ELOVL5: variants seen among roughly 807,000 people sequenced by gnomAD.
ELOVL5 encodes the protein very long chain fatty acid elongase 5.
Under a neutral mutation model 38.6 loss-of-function variants are expected in ELOVL5, and 8 were observed. The observed-to-expected ratio is 0.21, with a 90% confidence interval of 0.12 to 0.37. The LOEUF is 0.37. Ranked by LOEUF, ELOVL5 falls within the 10% of genes least tolerant of loss-of-function variation. ELOVL5 has a pLI of 1.00. For synonymous variants in ELOVL5, 127 were observed against 133.7 expected (o/e 0.95, Z 0.34); for missense variants, 280 against 367.8 (o/e 0.76, Z 1.95).
chr6:53,318,185 G>A (rs529261860), intron 1 of ELOVL5, among the ~76,000 whole-genome samples: 1 of 152,274 alleles, frequency 6.6e-6, no homozygotes, highest in Non-Finnish European at 1.5e-5. Context: ...ATAGTAAAAT[G>A]ATGTTTCCTA....
At chr6:53,341,802 C>T (rs209516) in intron 1 of ELOVL5, among the ~76,000 whole-genome samples, 140,197 of 152,300 alleles carry the variant, frequency 0.92, 64,859 homozygotes, top group African/African-American at 0.98. Flanking sequence ...AACAGAGAGA[C>T]GTTTTTACTA....
chr6:53,285,929 C>A (rs1276847101), intron 3 of ELOVL5, among the ~76,000 whole-genome samples: 2 of 151,096 alleles, frequency 1.3e-5, no homozygotes, highest in East Asian at 1.9e-4. Context: ...TTAGGTATGT[C>A]TACTGTTTTT....
intron 1 of ELOVL5, among the ~76,000 whole-genome samples, chr6:53,340,524 C>G (rs1197635583): frequency 6.6e-6 from 1 of 152,238 alleles, no homozygotes; most frequent in Non-Finnish European, 1.5e-5. Context: ...GTCCTGCAAG[C>G]TCCATTCATG....
At chr6:53,328,465 G>A (rs1768646511) in intron 1 of ELOVL5, among the ~76,000 whole-genome samples, 1 of 152,184 alleles carries the variant, frequency 6.6e-6, no homozygotes, top group Non-Finnish European at 1.5e-5. Context: ...AGTCCCCAAA[G>A]TAGAGCTCTA....
chr6:53,271,357 C>T (rs977722923), intron 6 of ELOVL5, among the ~76,000 whole-genome samples: 1 of 152,178 alleles, frequency 6.6e-6, no homozygotes, highest in Non-Finnish European at 1.5e-5. Flanking sequence ...CAACACCATC[C>T]TGGCCAAAAT....
At chr6:53,348,719 C>A (rs992643177) in intron 1 of ELOVL5, 98 bp downstream of exon 1, 2 of 433,540 alleles carry the variant, frequency 4.6e-6, no homozygotes, top group Non-Finnish European at 9.1e-6. Flanking sequence ...CGAGACCTAA[C>A]GGCAGTTCTC....
intron 1 of ELOVL5, among the ~76,000 whole-genome samples, chr6:53,309,083 C>T (rs1029893334): frequency 6.6e-6 from 1 of 152,052 alleles, no homozygotes; most frequent in Non-Finnish European, 1.5e-5. Context: ...TTGGGGGATG[C>T]TGTTGCAGAA....
chr6:53,294,861 T>C (rs1186476453), intron 2 of ELOVL5, among the ~76,000 whole-genome samples: 2 of 152,016 alleles, frequency 1.3e-5, no homozygotes, highest in Non-Finnish European at 2.9e-5. Flanking sequence ...GTATTAGGAG[T>C]AGAATGGCTA....
At chr6:53,270,985 T>C (rs1765898105) in intron 6 of ELOVL5, among the ~76,000 whole-genome samples, 2 of 152,206 alleles carry the variant, frequency 1.3e-5, no homozygotes, top group East Asian at 1.9e-4. Flanking sequence ...GGATACACTA[T>C]AGAGACATCC....
rs538517791 is a variant in ELOVL5 at position 53,331,684 on chromosome 6, C to T, written c.-9+17133G>A. Reference sequence around the variant, plus strand: ...CAGTTAAATGAAACTTGGAGTACACCGAGTTTAAAAATCTAACACTCAAAA... The same window carrying T: ...CAGTTAAATGAAACTTGGAGTACACTGAGTTTAAAAATCTAACACTCAAAA... On this transcript the variant is annotated intron_variant, in intron 1 of 7. Transcript: ENST00000304434. Among the ~76,000 whole-genome samples, 17 of 152,120 alleles carry T rather than the reference C, an allele frequency of 1.1e-4. No homozygotes were observed. The East Asian group carries it at 1.5e-3, about 14-fold the overall frequency.
At chr6:53,279,413 C>T (rs1766273065) in intron 3 of ELOVL5, among the ~76,000 whole-genome samples, 1 of 152,194 alleles carries the variant, frequency 6.6e-6, no homozygotes. Context: ...TCTACCCTCA[C>T]CTTGCAGTGA....
intron 6 of ELOVL5, 30 bp downstream of exon 6, chr6:53,273,190 A>G: frequency 6.2e-7 from 1 of 1,611,924 alleles, no homozygotes. Flanking sequence ...CCAGGAAGTA[A>G]GTCCTGGGGA....
intron 1 of ELOVL5, among the ~76,000 whole-genome samples, chr6:53,332,508 A>C (rs1451201812): frequency 1.3e-5 from 2 of 152,226 alleles, no homozygotes. Flanking sequence ...TTCAATTATC[A>C]ACCACTACAT....
chr6:53,346,142 A>G (rs537424983), intron 1 of ELOVL5, among the ~76,000 whole-genome samples: 60 of 152,160 alleles, frequency 3.9e-4, no homozygotes, highest in African/African-American at 1.3e-3. Flanking sequence ...ACTCCCACTT[A>G]TGAGTGAGAA....
rs553548639 is a variant in ELOVL5 at position 53,292,032 on chromosome 6, T to A, written c.59-69A>T. The A allele has an allele frequency of 1.6e-5, 17 of 1,069,238 alleles. No homozygotes were observed. In the South Asian group the frequency reaches 3.1e-4, roughly 19 times the overall value. 66.2% of individuals were successfully genotyped at this position (1,069,238 alleles called of 1,614,324 possible). On this transcript the variant is annotated intron_variant, in intron 2 of 7. Coordinates refer to ENST00000304434, the MANE Select transcript of ELOVL5 (RefSeq NM_021814.5). ...ACTTTTCAAACGTTGAAAAAATTTC[T>A]CTAACCATGATGATATAAAAGTCAC...
chr6:53,348,900 G>T lies in ELOVL5; in HGVS notation c.-92C>A. ...GAGCGCGGGTGGCAGCCGGCGCAGA[G>T]GCGGATGTAGAAGGAGACACCGGTG... On this transcript the variant is annotated 5_prime_UTR_variant, in exon 1 of 8. Coordinates refer to ENST00000304434, the MANE Select transcript of ELOVL5 (RefSeq NM_021814.5). 2.2e-6 allele frequency: 1 copy of T among 453,176 alleles called. No homozygotes were observed. The highest frequency in any genetic ancestry group is 4.4e-6 in the Non-Finnish European group (1 of 225,512). The allele number at this position is 453,176 out of a possible 1,614,324, so 28.1% of individuals were successfully genotyped here. A position where few individuals can be genotyped will look rare whatever the true frequency, so the allele number is the denominator to read the frequency against.
intron 1 of ELOVL5, among the ~76,000 whole-genome samples, chr6:53,347,420 G>A (rs1300608423): frequency 6.6e-6 from 1 of 152,156 alleles, no homozygotes; most frequent in African/African-American, 2.4e-5. Flanking sequence ...TTTGTCCACG[G>A]CCATCTAATG....
intron 1 of ELOVL5, among the ~76,000 whole-genome samples, chr6:53,299,546 G>A (rs1035964562): frequency 1.3e-5 from 2 of 152,098 alleles, no homozygotes; most frequent in African/African-American, 2.4e-5. Flanking sequence ...CTAACATCAC[G>A]GCAACAGAAA....
At chr6:53,335,268 T>A (rs1210812927) in intron 1 of ELOVL5, among the ~76,000 whole-genome samples, 1 of 152,150 alleles carries the variant, frequency 6.6e-6, no homozygotes, top group African/African-American at 2.4e-5. Context: ...CAGAAACCAG[T>A]CAAAGGCTCC....
Sources: gnomAD v4.1 joint callset for allele counts (sites outside exome capture counted in the v4.1 genomes callset) on GRCh38, gnomAD v4.1.1 for gene constraint, MANE v1.5 for transcripts, NCBI Gene and HGNC (gene_info 2026-07-23, HGNC 2026-07-21) for gene names.